Variants in LINGO1 observed in about 807,000 individuals in gnomAD.
The protein encoded by LINGO1 is leucine rich repeat and Ig domain containing 1, also known as leucine-rich repeat and immunoglobulin-like domain-containing nogo receptor-interacting protein 1.
Under a neutral mutation model 37.3 loss-of-function variants are expected in LINGO1, and 11 were observed. The ratio of observed to expected loss-of-function variants is 0.29; its 90% CI spans 0.19 to 0.49. The LOEUF is 0.49. Ranked by LOEUF, LINGO1 falls within the 20% of genes least tolerant of loss-of-function variation. The pLI, the probability that LINGO1 is intolerant of heterozygous loss-of-function variation, is 0.99. For missense variants in LINGO1, 585 were observed against 878.2 expected (o/e 0.67, Z 4.22); for synonymous variants, 387 against 403.0 (o/e 0.96, Z 0.48).
intron 1 of LINGO1, among the ~76,000 whole-genome samples, chr15:77,617,995 C>G (rs1268489543): frequency 6.6e-6 from 1 of 152,248 alleles, no homozygotes; most frequent in Non-Finnish European, 1.5e-5. Context: ...CCGACCCCCA[C>G]CAGGCTATTT....
upstream of LINGO1, among the ~76,000 whole-genome samples, chr15:77,700,618 G>C (rs374857578): frequency 6.6e-6 from 1 of 152,212 alleles, no homozygotes; most frequent in South Asian, 2.1e-4. Context: ...GCTGCAGGCG[G>C]GGTGGTAGGT....
At chr15:77,629,280 T>A (rs918487638) in intron 1 of LINGO1, among the ~76,000 whole-genome samples, 2 of 149,026 alleles carry the variant, frequency 1.3e-5, no homozygotes, top group Non-Finnish European at 2.9e-5. Context: ...CCAGGGATAT[T>A]CATTCGTTCG....
chr15:77,763,252 G>A (rs560058428), intron 1 of LINGO1, among the ~76,000 whole-genome samples: 16 of 152,246 alleles, frequency 1.1e-4, no homozygotes, highest in African/African-American at 3.4e-4. Context: ...TTGCTCAGGC[G>A]CCTCAAAATT....
intron 1 of LINGO1, among the ~76,000 whole-genome samples, chr15:77,760,123 A>G (rs183110457): frequency 1.1e-4 from 16 of 152,306 alleles, no homozygotes; most frequent in Non-Finnish European, 2.1e-4. Flanking sequence ...TCCCTGCAGC[A>G]GCCGTGTTTC....
At chr15:77,798,271 C>T (rs1019352408) in intron 1 of LINGO1, among the ~76,000 whole-genome samples, 1 of 152,234 alleles carries the variant, frequency 6.6e-6, no homozygotes, top group African/African-American at 2.4e-5. Context: ...TGTCAGCGGC[C>T]TCCCAAGCTG....
chr15:77,713,466 A>G (rs2075945648), intron 2 of LINGO1, among the ~76,000 whole-genome samples: 1 of 151,252 alleles, frequency 6.6e-6, no homozygotes, highest in Non-Finnish European at 1.5e-5. Flanking sequence ...AAAATTACAG[A>G]GGAGGACAAA....
chr15:77,668,792 T>TACACACACACACACAC (rs34476518), intron 3 of LINGO1, among the ~76,000 whole-genome samples: 9 of 134,818 alleles, frequency 6.7e-5, no homozygotes, highest in East Asian at 2.2e-4. Flanking sequence ...CACAGGGGAA[T>TACACACACACACACAC]ACACACACAC....
chr15:77,723,628 G>C (rs1003975957), intron 2 of LINGO1, among the ~76,000 whole-genome samples: 2 of 152,138 alleles, frequency 1.3e-5, no homozygotes, highest in African/African-American at 4.8e-5. Context: ...CCAAGTCCTG[G>C]ACCCGGGCCC....
At chr15:77,789,864 C>A (rs886230050), upstream of LINGO1, among the ~76,000 whole-genome samples, 18 of 152,086 alleles carry the variant, frequency 1.2e-4, no homozygotes, top group Non-Finnish European at 2.5e-4. Flanking sequence ...TAGCTCATTG[C>A]AGCCTCAGCC....
At position 77,615,837 on chromosome 15, in the gene LINGO1, G is replaced by A. The variant is rs772748227; in HGVS notation, c.70C>T (p.Gln24Ter). The A allele has an allele frequency of 6.6e-7, 1 of 1,510,358 alleles. No individual in the cohort carries two copies. Among genetic ancestry groups the A allele is most frequent in the Non-Finnish European group, 8.8e-7 (1 of 1,137,642 alleles). The allele number at this position is 1,510,358 out of a possible 1,614,324, so 93.6% of individuals were successfully genotyped here. A position where few individuals can be genotyped will look rare whatever the true frequency, so the allele number is the denominator to read the frequency against. ...SMPSPLLACW[Q>*]PILLLVLGSV... ...CCCAGCACCAGCAGGAGGATGGGCTGCCAGCAGGCCAGGAGGGGGCTGGGC... is the reference window on the plus strand; with the variant it reads ...CCCAGCACCAGCAGGAGGATGGGCTACCAGCAGGCCAGGAGGGGGCTGGGC... Residue 24 changes from glutamine to a stop codon, truncating the protein, a stop_gained, in exon 2 of 2, where the codon CAG (glutamine) becomes TAG (stop). Coordinates refer to ENST00000355300, the MANE Select transcript of LINGO1 (RefSeq NM_032808.7). LOFTEE classifies it high-confidence loss of function.
At chr15:77,665,334 C>T (rs1388904918) in intron 3 of LINGO1, among the ~76,000 whole-genome samples, 2 of 152,158 alleles carry the variant, frequency 1.3e-5, no homozygotes, top group African/African-American at 4.8e-5. Context: ...TTGCCCTGTA[C>T]CCTGACAGCT....
intron 2 of LINGO1, among the ~76,000 whole-genome samples, chr15:77,679,192 C>T (rs779761777): frequency 6.6e-6 from 1 of 152,188 alleles, no homozygotes; most frequent in Admixed American, 6.5e-5. Flanking sequence ...TGAGCCACCG[C>T]GCTCGGCCTG....
At chr15:77,709,905 C>G (rs2075897671) in intron 2 of LINGO1, among the ~76,000 whole-genome samples, 1 of 152,236 alleles carries the variant, frequency 6.6e-6, no homozygotes, top group Admixed American at 6.5e-5. Context: ...TCAGACCACC[C>G]AGTGAGACCC....
At chr15:77,650,743 G>T (rs1050007919) in intron 3 of LINGO1, among the ~76,000 whole-genome samples, 1 of 152,172 alleles carries the variant, frequency 6.6e-6, no homozygotes, top group African/African-American at 2.4e-5. Flanking sequence ...AGGGGCTGAA[G>T]GTATGCTGGA....
At chr15:77,725,129 G>T (rs1436801047) in intron 2 of LINGO1, among the ~76,000 whole-genome samples, 1 of 152,244 alleles carries the variant, frequency 6.6e-6, no homozygotes, top group Non-Finnish European at 1.5e-5. Context: ...TCCAGAGGCA[G>T]GTCTACACAG....
rs1405195024 is a variant in LINGO1, at chr15:77,692,942, G to A, written c.-280-2041C>T. 5.3e-5 allele frequency among the ~76,000 whole-genome samples: 8 copies of A among 152,186 alleles called. No individual in the cohort carries two copies. In the South Asian group the frequency reaches 1.2e-3, roughly 24 times the overall value. ...GTCACACTGCTACTGAACACGAAAC[G>A]CCTGTGTGTGTGCTTATGAGTGTGC... On this transcript the variant is annotated intron_variant, in intron 1 of 3. Coordinates refer to the LINGO1 transcript ENST00000559893.
At chr15:77,776,014 C>T (rs1713140683) in intron 1 of LINGO1, among the ~76,000 whole-genome samples, 1 of 152,184 alleles carries the variant, frequency 6.6e-6, no homozygotes, top group African/African-American at 2.4e-5. Context: ...TCGTCACCGC[C>T]TCCATGGACC....
At chr15:77,773,032 G>A (rs1701325842) in intron 1 of LINGO1, among the ~76,000 whole-genome samples, 1 of 152,154 alleles carries the variant, frequency 6.6e-6, no homozygotes, top group Admixed American at 6.5e-5. Flanking sequence ...ACACCTGGTC[G>A]AGAGCCAAGG....
At chr15:77,666,083 G>C (rs918156800) in intron 3 of LINGO1, among the ~76,000 whole-genome samples, 3 of 152,230 alleles carry the variant, frequency 2.0e-5, no homozygotes, top group Non-Finnish European at 2.9e-5. Flanking sequence ...CTGGCTCAGA[G>C]CACACAGCAT....
Sources: allele counts gnomAD v4.1 joint callset (sites outside exome capture counted in the v4.1 genomes callset), GRCh38; gene constraint gnomAD v4.1.1; transcripts MANE v1.5; gene names NCBI Gene and HGNC (gene_info 2026-07-23, HGNC 2026-07-21).